CA10: variants seen among roughly 807,000 people sequenced by gnomAD.
CA10 encodes the protein carbonic anhydrase-related protein 10.
Under a neutral mutation model 44.2 loss-of-function variants are expected in CA10, and 14 were observed. The observed-to-expected ratio is 0.32, with a 90% confidence interval of 0.21 to 0.50. The LOEUF is 0.50. Among genes scored for constraint, CA10 ranks in the 20% least tolerant of loss-of-function variants. The probability of loss-of-function intolerance (pLI) is 0.99; values close to 1 mark genes in which losing one functional copy is unlikely to be tolerated. For synonymous variants in CA10, 159 were observed against 141.6 expected (o/e 1.12, Z -0.87); for missense variants, 350 against 409.7 (o/e 0.85, Z 1.26).
intron 1 of CA10, among the ~76,000 whole-genome samples, chr17:52,092,925 T>C (rs1222080800): frequency 6.6e-6 from 1 of 152,202 alleles, no homozygotes; most frequent in African/African-American, 2.4e-5. Context: ...AAGTCCTCAC[T>C]TAATGTTGTT....
At chr17:51,785,403 GAAATAT>G (rs758558643) in intron 3 of CA10, among the ~76,000 whole-genome samples, 16 of 152,170 alleles carry the variant, frequency 1.1e-4, no homozygotes, top group Non-Finnish European at 1.8e-4. Flanking sequence ...ATAGTAAATA[GAAATAT>G]AAAGAGTTGC....
At chr17:52,032,608 G>A (rs1986500969) in intron 2 of CA10, among the ~76,000 whole-genome samples, 1 of 152,172 alleles carries the variant, frequency 6.6e-6, no homozygotes, top group Non-Finnish European at 1.5e-5. Flanking sequence ...TCTCTGGCAA[G>A]GAGAAGTTGG....
intron 4 of CA10, among the ~76,000 whole-genome samples, chr17:51,685,714 G>A (rs1244244546): frequency 6.6e-6 from 1 of 152,222 alleles, no homozygotes; most frequent in East Asian, 1.9e-4. Flanking sequence ...ACTGACCAGG[G>A]AATAGAAATG....
chr17:51,631,646 A>G (rs1400530983), intron 8 of CA10, 40 bp from the exon 9 acceptor site: 14 of 1,555,522 alleles, frequency 9.0e-6, no homozygotes, highest in Non-Finnish European at 1.2e-5. Context: ...CACACATACA[A>G]CATAAAACGA....
At chr17:51,672,969 A>C (rs1205794038) in intron 4 of CA10, among the ~76,000 whole-genome samples, 2 of 152,226 alleles carry the variant, frequency 1.3e-5, no homozygotes, top group Non-Finnish European at 2.9e-5. Flanking sequence ...GTTTATTCCA[A>C]GGCATGCCCA....
At chr17:52,114,916 T>A (rs1461796465) in intron 1 of CA10, among the ~76,000 whole-genome samples, 9 of 152,202 alleles carry the variant, frequency 5.9e-5, no homozygotes, top group Non-Finnish European at 2.9e-5. Context: ...CCATTCTCCA[T>A]CCACTGGGGC....
intron 2 of CA10, among the ~76,000 whole-genome samples, chr17:52,057,541 C>T (rs990149232): frequency 2.6e-5 from 4 of 152,010 alleles, no homozygotes; most frequent in African/African-American, 9.7e-5. Context: ...TCCGGTCAAC[C>T]ATAGGCTCTT....
chr17:51,633,720 A>G, intron 7 of CA10, 70 bp from the exon 8 acceptor site: 4 of 1,538,846 alleles, frequency 2.6e-6, no homozygotes, highest in Non-Finnish European at 2.7e-6. Context: ...ATAAGACCAC[A>G]GAGACTCTGG....
intron 3 of CA10, among the ~76,000 whole-genome samples, chr17:51,891,402 G>C (rs1980849821): frequency 6.6e-6 from 1 of 152,214 alleles, no homozygotes; most frequent in African/African-American, 2.4e-5. Flanking sequence ...CCTGTTGAAT[G>C]GGGAAGTCAG....
intron 3 of CA10, among the ~76,000 whole-genome samples, chr17:51,885,020 A>G (rs1980536754): frequency 1.3e-5 from 2 of 152,204 alleles, no homozygotes; most frequent in South Asian, 4.1e-4. Context: ...GTTCGACTGT[A>G]TCTGCAGACT....
intron 2 of CA10, among the ~76,000 whole-genome samples, chr17:52,065,391 C>A (rs1598196050): frequency 6.6e-6 from 1 of 152,258 alleles, no homozygotes; most frequent in African/African-American, 2.4e-5. Flanking sequence ...CGAGTCAAGC[C>A]TTTGTCTTTT....
chr17:51,740,813 G>A (rs895343747), intron 4 of CA10, among the ~76,000 whole-genome samples: 4 of 152,070 alleles, frequency 2.6e-5, no homozygotes, highest in African/African-American at 9.7e-5. Flanking sequence ...ACATCTCCCT[G>A]GCAACCTCAC....
chr17:52,138,952 G>A (rs1598235408), intron 1 of CA10, among the ~76,000 whole-genome samples: 1 of 152,216 alleles, frequency 6.6e-6, no homozygotes, highest in Non-Finnish European at 1.5e-5. Context: ...GGCTGACGGA[G>A]TGCTCCTAGA....
chr17:51,726,609 T>C lies in CA10; in HGVS notation c.465+21024A>G, dbSNP rs138331084. Among the ~76,000 whole-genome samples, 77 of 152,326 alleles carry C rather than the reference T, an allele frequency of 5.1e-4. 1 individual carries two copies. The highest frequency in any genetic ancestry group is 1.7e-3 in the African/African-American group (72 of 41,576). On this transcript the variant is annotated intron_variant, in intron 4 of 8. Coordinates refer to ENST00000451037, the MANE Select transcript of CA10 (RefSeq NM_020178.5). ...TTTAAAATATATATAAAAAAATCTG[T>C]AGCATTATCTGTCTATACTTAATCA...
chr17:51,787,363 A>G (rs965495680), intron 3 of CA10, among the ~76,000 whole-genome samples: 4 of 152,118 alleles, frequency 2.6e-5, no homozygotes, highest in African/African-American at 9.7e-5. Context: ...CAATGTTGGT[A>G]GGTTGTATGT....
chr17:51,657,016 G>A (rs762630903), intron 4 of CA10, among the ~76,000 whole-genome samples: 2 of 152,216 alleles, frequency 1.3e-5, no homozygotes, highest in Non-Finnish European at 2.9e-5. Context: ...AGCATGGACT[G>A]TAAGAGGGTA....
At chr17:52,019,093 G>C (rs1286384239) in intron 2 of CA10, among the ~76,000 whole-genome samples, 1 of 152,078 alleles carries the variant, frequency 6.6e-6, no homozygotes, top group Non-Finnish European at 1.5e-5. Flanking sequence ...CTAATGCCAT[G>C]CTTCCTGTAC....
intron 2 of CA10, among the ~76,000 whole-genome samples, chr17:52,047,504 G>T (rs1266134098): frequency 2.6e-5 from 4 of 151,876 alleles, no homozygotes; most frequent in African/African-American, 7.2e-5. Flanking sequence ...TTAAATTTTA[G>T]ACTATAAACT....
intron 3 of CA10, among the ~76,000 whole-genome samples, chr17:51,870,077 T>G (rs1979734870): frequency 6.6e-6 from 1 of 152,218 alleles, no homozygotes; most frequent in African/African-American, 2.4e-5. Context: ...TGCATGAACT[T>G]TTAGGATTCA....
Sources: gnomAD v4.1 joint callset for allele counts (sites outside exome capture counted in the v4.1 genomes callset) on GRCh38, gnomAD v4.1.1 for gene constraint, MANE v1.5 for transcripts, NCBI Gene and HGNC (gene_info 2026-07-23, HGNC 2026-07-21) for gene names.